The following RAP1GAP2 variants were observed in gnomAD, a reference collection of about 807,000 sequenced individuals.
The protein encoded by RAP1GAP2 is RAP1 GTPase activating protein 2, also known as rap1 GTPase-activating protein 2.
Under a neutral mutation model 95.0 loss-of-function variants are expected in RAP1GAP2, and 27 were observed. That is an observed-to-expected ratio of 0.28 (90% confidence interval 0.21 to 0.39). The LOEUF is 0.39. RAP1GAP2 is among the 10% of genes least tolerant of loss of function. The pLI, the probability that RAP1GAP2 is intolerant of heterozygous loss-of-function variation, is 1.00. For missense variants in RAP1GAP2, 771 were observed against 970.0 expected (o/e 0.79, Z 2.72); for synonymous variants, 373 against 380.9 (o/e 0.98, Z 0.24).
rs924963759 is a variant in RAP1GAP2, at chr17:3,004,407, C to G, written c.1201-962C>G. ...CCCGGCCTGGCAGACTCTGCATCTGCTCCACTTCACAGGCCGGGGAGGCTG... is the reference window on the plus strand; with the variant it reads ...CCCGGCCTGGCAGACTCTGCATCTGGTCCACTTCACAGGCCGGGGAGGCTG... On this transcript the variant is annotated intron_variant, in intron 14 of 24. Coordinates refer to ENST00000254695, the MANE Select transcript of RAP1GAP2 (RefSeq NM_015085.5). The surrounding 1 kb of genome is among the most constrained non-coding windows in gnomAD (Gnocchi z 4.1). Among the ~76,000 whole-genome samples the G allele has an allele frequency of 6.6e-6, 1 of 152,256 alleles. No homozygotes were observed. The highest frequency in any genetic ancestry group is 2.4e-5 in the African/African-American group (1 of 41,470).
chr17:2,897,721 C>T (rs1050316306), intron 2 of RAP1GAP2, among the ~76,000 whole-genome samples: 1 of 151,972 alleles, frequency 6.6e-6, no homozygotes, highest in African/African-American at 2.4e-5. Context: ...GAAGTGGGGC[C>T]TCTTCCTTGG....
intron 3 of RAP1GAP2, among the ~76,000 whole-genome samples, chr17:2,911,119 G>A (rs924842557): frequency 2.6e-5 from 4 of 152,218 alleles, no homozygotes; most frequent in Non-Finnish European, 5.9e-5. Flanking sequence ...CCACTGGGAA[G>A]GGCTGGCTGG....
chr17:2,821,528 C>A lies in RAP1GAP2; in HGVS notation c.80+20978C>A, dbSNP rs181758877. Among the ~76,000 whole-genome samples, 340 of 152,066 alleles carry A rather than the reference C, an allele frequency of 2.2e-3. 2 individuals are homozygous for A. The highest frequency in any genetic ancestry group is 3.3e-3 in the Non-Finnish European group (227 of 67,990). On this transcript the variant is annotated intron_variant, in intron 2 of 24. Transcript: ENST00000254695. Reference sequence around the variant, plus strand: ...GTAGCTGGGACCACAGCATCTGCCACCATGCCTGGCTAATTTTTTTTTTTT... The same window carrying A: ...GTAGCTGGGACCACAGCATCTGCCAACATGCCTGGCTAATTTTTTTTTTTT...
chr17:2,770,138 A>T (rs2068361921), intron 1 of RAP1GAP2, among the ~76,000 whole-genome samples: 1 of 151,550 alleles, frequency 6.6e-6, no homozygotes, highest in Non-Finnish European at 1.5e-5. Flanking sequence ...TTGAAATCTG[A>T]TCCTTCTAGC....
At chr17:2,828,420 GAAA>G (rs199805745) in intron 2 of RAP1GAP2, among the ~76,000 whole-genome samples, 1 of 145,246 alleles carries the variant, frequency 6.9e-6, no homozygotes, top group Non-Finnish European at 1.5e-5. Context: ...AGTGAAAGTT[GAAA>G]AAAAAAAAGA....
intron 2 of RAP1GAP2, among the ~76,000 whole-genome samples, chr17:2,880,018 C>T (rs112698071): frequency 2.7e-3 from 408 of 152,180 alleles, no homozygotes; most frequent in African/African-American, 9.0e-3. Flanking sequence ...TGGAGCTCAC[C>T]GTCCAGCGGG....
chr17:2,891,809 C>CTTTTTTTTTTTTTTTTTTTTT (rs1488865061), intron 2 of RAP1GAP2, among the ~76,000 whole-genome samples: 1 of 58,030 alleles, frequency 1.7e-5, no homozygotes, highest in African/African-American at 5.7e-5. Flanking sequence ...ATTCATATTT[C>CTTTTTTTTTTTTTTTTTTTTT]TTTTCTTTTT....
chr17:2,808,585 G>A (rs937918361), intron 2 of RAP1GAP2, among the ~76,000 whole-genome samples: 1 of 152,136 alleles, frequency 6.6e-6, no homozygotes, highest in Non-Finnish European at 1.5e-5. Context: ...GGCCCGGCTC[G>A]GCTCCTGGGT....
intron 2 of RAP1GAP2, among the ~76,000 whole-genome samples, chr17:2,800,829 TTTTCTTTTTCTTTC>T (rs2069257652): frequency 7.0e-6 from 1 of 143,664 alleles, no homozygotes; most frequent in African/African-American, 2.6e-5. Flanking sequence ...TTTTTTTTCT[TTTTCTTTTTCTTTC>T]TTTCTTTCTT....
At chr17:2,984,762 G>T (rs2045495666) in intron 10 of RAP1GAP2, among the ~76,000 whole-genome samples, 1 of 152,136 alleles carries the variant, frequency 6.6e-6, no homozygotes, top group African/African-American at 2.4e-5. Flanking sequence ...ACAGAGGTTT[G>T]GTTCCTACTG....
At chr17:2,994,515 G>A (rs2045887980) in intron 12 of RAP1GAP2, among the ~76,000 whole-genome samples, 1 of 152,188 alleles carries the variant, frequency 6.6e-6, no homozygotes, top group Non-Finnish European at 1.5e-5. Flanking sequence ...GGTTGGGCCT[G>A]TATCTTAGGG....
At chr17:2,979,824 C>A (rs1472133309) in intron 8 of RAP1GAP2, among the ~76,000 whole-genome samples, 4 of 152,114 alleles carry the variant, frequency 2.6e-5, no homozygotes, top group African/African-American at 9.7e-5. Context: ...CGTTTTCCCA[C>A]AAGGCAAGTG....
chr17:2,760,830 C>T (rs1175517066), intron 1 of RAP1GAP2, among the ~76,000 whole-genome samples: 3 of 152,120 alleles, frequency 2.0e-5, no homozygotes, highest in Non-Finnish European at 4.4e-5. Context: ...GAGTACTGCT[C>T]ATATTTTGTA....
At chr17:2,921,252 T>G (rs2151766101) in intron 3 of RAP1GAP2, among the ~76,000 whole-genome samples, 1 of 152,172 alleles carries the variant, frequency 6.6e-6, no homozygotes. Context: ...CAGGCTGAAG[T>G]GCAGTGGCGT....
intron 2 of RAP1GAP2, among the ~76,000 whole-genome samples, chr17:2,878,714 C>T (rs999206555): frequency 1.3e-5 from 2 of 152,218 alleles, no homozygotes; most frequent in African/African-American, 4.8e-5. Flanking sequence ...CCAACCCTGG[C>T]TCTCTGCTTC....
intron 9 of RAP1GAP2, among the ~76,000 whole-genome samples, chr17:2,980,909 C>T (rs2045332989): frequency 6.6e-6 from 1 of 152,200 alleles, no homozygotes; most frequent in Admixed American, 6.5e-5. Flanking sequence ...GTGCTGGAAA[C>T]CTTTGGTGGC....
chr17:2,900,367 C>T (rs72819279), intron 2 of RAP1GAP2, among the ~76,000 whole-genome samples: 10,388 of 151,594 alleles, frequency 0.069, 460 homozygotes, highest in South Asian at 0.14. Flanking sequence ...GAGTTATAAT[C>T]ATCATCATCA....
intron 2 of RAP1GAP2, among the ~76,000 whole-genome samples, chr17:2,829,514 C>T (rs930273318): frequency 3.3e-5 from 5 of 152,160 alleles, no homozygotes; most frequent in African/African-American, 1.2e-4. Flanking sequence ...TCCAGCCCCT[C>T]TAGCAGGCAG....
intron 1 of RAP1GAP2, among the ~76,000 whole-genome samples, chr17:2,781,044 G>A (rs1180689965): frequency 6.6e-6 from 1 of 152,144 alleles, no homozygotes; most frequent in Non-Finnish European, 1.5e-5. Flanking sequence ...TGGAGCAGTC[G>A]CAGGGGCACC....
Sources: allele counts gnomAD v4.1 joint callset (sites outside exome capture counted in the v4.1 genomes callset), GRCh38; gene constraint gnomAD v4.1.1; non-coding constraint Gnocchi (gnomAD v3.1); transcripts MANE v1.5; gene names NCBI Gene and HGNC (gene_info 2026-07-23, HGNC 2026-07-21).